GALNT13: variants seen among roughly 807,000 people sequenced by gnomAD.
The protein encoded by GALNT13 is UDP-GalNAc:polypeptide N-acetylgalactosaminyltransferase 13.
GALNT13 carries 28 observed loss-of-function variants against 64.2 expected under a neutral mutation model. That is an observed-to-expected ratio of 0.44 (90% CI 0.32 to 0.60). The LOEUF is 0.60. Among genes scored for constraint, GALNT13 ranks in the 20% least tolerant of loss-of-function variants. The pLI is 0.05. For missense variants in GALNT13, 577 were observed against 669.8 expected (o/e 0.86, Z 1.53); for synonymous variants, 214 against 224.6 (o/e 0.95, Z 0.42).
the GALNT13 span, among the ~76,000 whole-genome samples, chr2:153,317,926 G>T: frequency 6.6e-6 from 1 of 151,574 alleles, no homozygotes; most frequent in Non-Finnish European, 1.5e-5. Context: ...ATTCTCTCTG[G>T]GTATGTACTT....
the GALNT13 span, among the ~76,000 whole-genome samples, chr2:153,287,361 T>C: frequency 5.3e-5 from 8 of 152,280 alleles, 1 homozygote; most frequent in African/African-American, 1.9e-4. Flanking sequence ...AGGCCGCTTG[T>C]GTTAGTCAGC....
intron 3 of GALNT13, among the ~76,000 whole-genome samples, chr2:154,092,468 C>G (rs1203989303): frequency 6.6e-6 from 1 of 151,934 alleles, no homozygotes; most frequent in Non-Finnish European, 1.5e-5. Context: ...AAAGCATCTA[C>G]CCAATTTGAA....
chr2:153,308,435 T>C, the GALNT13 span, among the ~76,000 whole-genome samples: 1 of 152,210 alleles, frequency 6.6e-6, no homozygotes, highest in Admixed American at 6.5e-5. Context: ...CACAAGTCTG[T>C]ATCGACAGAA....
intron 2 of GALNT13, among the ~76,000 whole-genome samples, chr2:153,906,312 G>A (rs1688558540): frequency 6.6e-6 from 1 of 150,710 alleles, no homozygotes; most frequent in Non-Finnish European, 1.5e-5. Context: ...TGTTACATAT[G>A]TATACATGTG....
chr2:154,022,083 T>G (rs1201999201), intron 3 of GALNT13, among the ~76,000 whole-genome samples: 3 of 152,202 alleles, frequency 2.0e-5, no homozygotes, highest in Non-Finnish European at 4.4e-5. Flanking sequence ...AGCTTTTTGA[T>G]GTGCTGCTGG....
At chr2:153,257,219 G>GGGTC in the GALNT13 span, among the ~76,000 whole-genome samples, 1 of 152,222 alleles carries the variant, frequency 6.6e-6, no homozygotes, top group South Asian at 2.1e-4. Context: ...GATTTTCCAG[G>GGGTC]TGCCGTCTGT....
the GALNT13 span, among the ~76,000 whole-genome samples, chr2:153,241,673 G>GTA: frequency 2.0e-5 from 3 of 151,796 alleles, no homozygotes; most frequent in African/African-American, 4.8e-5. Flanking sequence ...ATGTGTGTGT[G>GTA]TGTGTAGGTG....
chr2:153,556,302 G>A, the GALNT13 span, among the ~76,000 whole-genome samples: 13 of 152,004 alleles, frequency 8.6e-5, no homozygotes, highest in Non-Finnish European at 1.6e-4. Context: ...GAAATTTTGT[G>A]TATCATTTAT....
At chr2:153,926,942 G>A (rs758206567) in intron 2 of GALNT13, among the ~76,000 whole-genome samples, 45 of 152,020 alleles carry the variant, frequency 3.0e-4, no homozygotes, top group Non-Finnish European at 5.4e-4. Context: ...ACATTTACAC[G>A]TTTTTCCAAT....
At chr2:153,307,530 A>T in the GALNT13 span, among the ~76,000 whole-genome samples, 1 of 152,136 alleles carries the variant, frequency 6.6e-6, no homozygotes, top group East Asian at 1.9e-4. Flanking sequence ...TTAAAATAAG[A>T]TTCTAAATTT....
the GALNT13 span, among the ~76,000 whole-genome samples, chr2:153,632,262 G>A: frequency 2.6e-5 from 4 of 152,160 alleles, no homozygotes; most frequent in African/African-American, 4.8e-5. Flanking sequence ...AAAGTACAGA[G>A]TTCCCATATA....
chr2:153,482,962 A>G, the GALNT13 span, among the ~76,000 whole-genome samples: 1 of 152,208 alleles, frequency 6.6e-6, no homozygotes, highest in African/African-American at 2.4e-5. Context: ...TGCATAAGTC[A>G]TTAAATGAAA....
intron 3 of GALNT13, among the ~76,000 whole-genome samples, chr2:153,976,836 A>T (rs961128356): frequency 2.5e-4 from 38 of 152,230 alleles, no homozygotes; most frequent in Non-Finnish European, 4.1e-4. Flanking sequence ...TTGGCAAAAA[A>T]TTAATATGGA....
chr2:154,214,896 T>C (rs975097584), intron 4 of GALNT13, among the ~76,000 whole-genome samples: 1 of 152,180 alleles, frequency 6.6e-6, no homozygotes, highest in African/African-American at 2.4e-5. Flanking sequence ...GAGCAGTCTG[T>C]TTCCCTAGCA....
At chr2:154,013,953 TATCATGAAGGC>T (rs1213892184) in intron 3 of GALNT13, among the ~76,000 whole-genome samples, 1 of 152,146 alleles carries the variant, frequency 6.6e-6, no homozygotes, top group African/African-American at 2.4e-5. Flanking sequence ...GCGAAGAAGC[TATCATGAAGGC>T]ATCAGGGAAG....
the GALNT13 span, among the ~76,000 whole-genome samples, chr2:153,247,135 A>C: frequency 1.3e-5 from 2 of 152,234 alleles, no homozygotes; most frequent in African/African-American, 4.8e-5. Flanking sequence ...ACCTAGATTC[A>C]TAAAGTTCTT....
the GALNT13 span, among the ~76,000 whole-genome samples, chr2:153,514,695 T>A: frequency 6.6e-6 from 1 of 152,184 alleles, no homozygotes; most frequent in Admixed American, 6.5e-5. Flanking sequence ...CTACCATTCA[T>A]GTTGCAATTG....
chr2:153,753,619 C>G, the GALNT13 span, among the ~76,000 whole-genome samples: 1,263 of 152,230 alleles, frequency 8.3e-3, 6 homozygotes, highest in Non-Finnish European at 0.015. Flanking sequence ...TCCCTCTGTT[C>G]TGACCCACCT....
At chr2:153,377,126 G>A in the GALNT13 span, among the ~76,000 whole-genome samples, 49,566 of 151,844 alleles carry the variant, frequency 0.33, 8,433 homozygotes, top group Non-Finnish European at 0.38. Flanking sequence ...AAGAGATACC[G>A]GGGATGTACA....
Sources: allele counts gnomAD v4.1 joint callset (sites outside exome capture counted in the v4.1 genomes callset), GRCh38; gene constraint gnomAD v4.1.1; transcripts MANE v1.5; gene names NCBI Gene and HGNC (gene_info 2026-07-23, HGNC 2026-07-21).